The following SLC12A2 variants were observed in gnomAD, a reference collection of about 807,000 sequenced individuals.
SLC12A2 encodes the protein Na-K-2Cl cotransporter 1.
A neutral mutation model predicts 136.3 loss-of-function variants in SLC12A2; 67 were observed. The observed-to-expected ratio is 0.49, with a 90% CI of 0.40 to 0.60. The LOEUF (loss-of-function observed/expected upper bound fraction) is 0.60. Among genes scored for constraint, SLC12A2 ranks in the 20% least tolerant of loss-of-function variants. The pLI is 0.00. For synonymous variants in SLC12A2, 619 were observed against 562.9 expected (o/e 1.10, Z -1.41); for missense variants, 1,322 against 1,534.7 (o/e 0.86, Z 2.32).
At chr5:128,089,203 A>C (rs1412941223) in intron 1 of SLC12A2, among the ~76,000 whole-genome samples, 1 of 151,354 alleles carries the variant, frequency 6.6e-6, no homozygotes, top group Non-Finnish European at 1.5e-5. Context: ...AACACAAGAA[A>C]TTGCTTAATA....
Position 128,138,922 on chromosome 5 carries a change from C to A in SLC12A2, c.1621+14C>A. ...CAGTATCTGTAGGTAAATAGTTTCA[C>A]ATTTCTTTATGTGTCGCAGAAATTT... On this transcript the variant is annotated intron_variant, in intron 9 of 26. Coordinates refer to ENST00000262461, the MANE Select transcript of SLC12A2 (RefSeq NM_001046.3). The A allele has an allele frequency of 6.4e-7, 1 of 1,556,876 alleles. No homozygotes were observed. Among genetic ancestry groups the A allele is most frequent in the Non-Finnish European group, 8.8e-7 (1 of 1,131,406 alleles).
At chr5:128,098,382 C>T (rs894401512) in intron 1 of SLC12A2, among the ~76,000 whole-genome samples, 13 of 151,740 alleles carry the variant, frequency 8.6e-5, no homozygotes, top group African/African-American at 2.9e-4. Flanking sequence ...TTTACCTTTG[C>T]TTTTGTTTAA....
chr5:128,121,839 T>G (rs746708569), intron 4 of SLC12A2, among the ~76,000 whole-genome samples: 2 of 152,202 alleles, frequency 1.3e-5, no homozygotes, highest in Non-Finnish European at 2.9e-5. Context: ...AGCAGTGTTC[T>G]TGAGAGCTTG....
In SLC12A2 at chr5:128,118,165, C is replaced by G. The variant is rs960054715; in HGVS notation, c.1048+3484C>G. Among the ~76,000 whole-genome samples, 15 of 152,090 alleles carry G rather than the reference C, an allele frequency of 9.9e-5. 1 individual carries two copies. Among genetic ancestry groups the G allele is most frequent in the Non-Finnish European group, 2.2e-4 (15 of 68,022 alleles). On this transcript the variant is annotated intron_variant, in intron 4 of 26. Transcript: ENST00000262461. ...CACTATGTAAAATAGTATGGAGATT[C>G]CTTAACTAAAAGTAGAACTACCATT... is the stretch of plus-strand genomic sequence containing the variant.
intron 22 of SLC12A2, 72 bp downstream of exon 22, chr5:128,178,761 A>T: frequency 8.4e-7 from 1 of 1,185,534 alleles, no homozygotes; most frequent in East Asian, 2.8e-5. Flanking sequence ...AATGACATGC[A>T]CTCTTTACCT....
In SLC12A2 at chr5:128,083,941, G is replaced by A; in HGVS notation, c.-14G>A. On this transcript the variant is annotated 5_prime_UTR_variant, in exon 1 of 27. Transcript: ENST00000262461. Reference sequence around the variant, plus strand: ...TCCGCCGGGCTCTGCAGTTCCGCCGGGGGTCGGGCAGCTATGGAGCCGCGG... The same window carrying A: ...TCCGCCGGGCTCTGCAGTTCCGCCGAGGGTCGGGCAGCTATGGAGCCGCGG... 7 of 1,229,362 alleles carry A rather than the reference G, an allele frequency of 5.7e-6. No individual in the cohort carries two copies. The South Asian group carries it at 1.8e-4, about 31-fold the overall frequency. The allele number at this position is 1,229,362 out of a possible 1,614,324, so 76.2% of individuals were successfully genotyped here. A position where few individuals can be genotyped will look rare whatever the true frequency, so the allele number is the denominator to read the frequency against.
intron 1 of SLC12A2, among the ~76,000 whole-genome samples, chr5:128,087,714 A>T (rs559093259): frequency 7.4e-4 from 113 of 152,090 alleles, no homozygotes; most frequent in Non-Finnish European, 1.5e-3. Context: ...CTGGGTGGAG[A>T]ATGGATTGGC....
At chr5:128,154,068 C>A (rs66522625) in intron 15 of SLC12A2, among the ~76,000 whole-genome samples, 111 of 137,800 alleles carry the variant, frequency 8.1e-4, no homozygotes, top group Non-Finnish European at 9.4e-4. Context: ...AAAAAAAAAA[C>A]AAAAAAAAAA....
At chr5:128,120,011 A>G (rs1482325323) in intron 4 of SLC12A2, among the ~76,000 whole-genome samples, 3 of 152,036 alleles carry the variant, frequency 2.0e-5, no homozygotes, top group Non-Finnish European at 4.4e-5. Flanking sequence ...CAAATTTACA[A>G]GAAAAAAACA....
chr5:128,128,239 A>G (rs1480624750), intron 4 of SLC12A2, among the ~76,000 whole-genome samples: 1 of 152,132 alleles, frequency 6.6e-6, no homozygotes, highest in African/African-American at 2.4e-5. Context: ...TAGGCTTTTG[A>G]TTAGCCTAGT....
intron 11 of SLC12A2, among the ~76,000 whole-genome samples, chr5:128,148,526 A>G (rs189324349): frequency 7.2e-5 from 11 of 151,884 alleles, no homozygotes; most frequent in Non-Finnish European, 1.5e-4. Context: ...TTTAATTTCA[A>G]CATGGGGATA....
At chr5:128,087,642 G>A (rs989309228) in intron 1 of SLC12A2, among the ~76,000 whole-genome samples, 1 of 152,114 alleles carries the variant, frequency 6.6e-6, no homozygotes, top group African/African-American at 2.4e-5. Context: ...GTAGTGGGAC[G>A]CTATTGAAGA....
Position 128,184,813 on chromosome 5 carries a change from G to C in SLC12A2, c.3460G>C (p.Glu1154Gln). 6.2e-7 allele frequency: 1 copy of C among 1,609,124 alleles called. No homozygotes were observed. The highest frequency in any genetic ancestry group is 8.5e-7 in the Non-Finnish European group (1 of 1,175,772). The change falls in exon 26 of 27, where the codon GAG becomes CAG. Residue 1154 changes from glutamate (E) to glutamine (Q), a missense_variant. Physicochemically the swap from Glu to Gln is conservative, Grantham distance 29. Around this residue, in one of 8 missense-constraint regions of SLC12A2, gnomAD observed 172 missense variants for 227.4 expected, o/e 0.76. Coordinates refer to ENST00000262461, the MANE Select transcript of SLC12A2 (RefSeq NM_001046.3). The stretch of plus-strand genomic sequence containing the variant: ...GACATACCGGCAGATCAGGTTAAAT[G>C]AGTTATTAAAGGAACATTCAAGCAC... ...TKTYRQIRLNELLKEHSSTAN... is the reference protein window; with the variant it reads ...TKTYRQIRLNQLLKEHSSTAN...
chr5:128,126,579 T>C (rs965439832), intron 4 of SLC12A2, among the ~76,000 whole-genome samples: 2 of 152,206 alleles, frequency 1.3e-5, no homozygotes, highest in African/African-American at 2.4e-5. Flanking sequence ...CTCCCATGTT[T>C]GTTGCAGCAC....
intron 14 of SLC12A2, among the ~76,000 whole-genome samples, 175 bp downstream of exon 14, chr5:128,151,571 A>G (rs1267921683): frequency 1.3e-5 from 2 of 151,750 alleles, no homozygotes; most frequent in East Asian, 1.9e-4. Flanking sequence ...TTTTTTTTCA[A>G]ATACATGTAG....
intron 18 of SLC12A2, among the ~76,000 whole-genome samples, chr5:128,171,464 A>G (rs1188561845): frequency 6.6e-6 from 1 of 152,206 alleles, no homozygotes; most frequent in Non-Finnish European, 1.5e-5. Context: ...AGTAGTTTTC[A>G]AGGGTATTAC....
At chr5:128,131,796 G>A (rs371694909) in intron 5 of SLC12A2, among the ~76,000 whole-genome samples, 33 of 152,150 alleles carry the variant, frequency 2.2e-4, no homozygotes, top group Middle Eastern at 6.8e-3. Flanking sequence ...ACCTGAGTTC[G>A]GGAGTTTGAG....
At chr5:128,180,271 A>G (rs1763668778) in intron 22 of SLC12A2, among the ~76,000 whole-genome samples, 1 of 151,962 alleles carries the variant, frequency 6.6e-6, no homozygotes, top group Non-Finnish European at 1.5e-5. Flanking sequence ...CGCCCAGCCC[A>G]TTCTTTTGGG....
chr5:128,172,870 G>A (rs1763421182), intron 19 of SLC12A2, among the ~76,000 whole-genome samples: 1 of 151,842 alleles, frequency 6.6e-6, no homozygotes, highest in Non-Finnish European at 1.5e-5. Context: ...AGAATTGCTT[G>A]AACCCAGGAA....
Sources: allele counts gnomAD v4.1 joint callset (sites outside exome capture counted in the v4.1 genomes callset), GRCh38; gene constraint gnomAD v4.1.1; regional missense constraint gnomAD v4.1.1; transcripts MANE v1.5; gene names NCBI Gene and HGNC (gene_info 2026-07-23, HGNC 2026-07-21).